Variants in MEX3A observed in about 807,000 individuals in gnomAD.
The protein encoded by MEX3A is mex-3 RNA binding family member A, also known as RNA-binding protein MEX3A.
In MEX3A, 4 loss-of-function variants were observed where a neutral mutation model predicts 30.0. The ratio of observed to expected loss-of-function variants is 0.13; its 90% CI spans 0.07 to 0.30. MEX3A has a LOEUF of 0.30. MEX3A is among the 10% of genes least tolerant of loss of function. The pLI is 1.00. For missense variants in MEX3A, 555 were observed against 736.7 expected, an observed-to-expected ratio of 0.75 and a Z score of 2.86; for synonymous variants, 335 against 327.6, an observed-to-expected ratio of 1.02 and a Z score of -0.24.
chr1:156,081,643 T>A lies in MEX3A; in HGVS notation c.356A>T (p.Tyr119Phe). The A allele has an allele frequency of 5.8e-6, 9 of 1,549,370 alleles. No individual in the cohort carries two copies. The highest frequency in any genetic ancestry group is 7.8e-6 in the Non-Finnish European group (9 of 1,149,558). ...GASDAKLCAL[Y>F]KEAELRLKGS... is the part of the protein sequence containing the mutation. ...CTTCAGGCGCAGCTCGGCCTCTTTG[T>A]AGAGAGCGCAGAGCTTGGCGTCGCT... Residue 119 changes from tyrosine (Y) to phenylalanine (F), a missense_variant, in exon 1 of 2, where the codon TAC (tyrosine) becomes TTC (phenylalanine). Transcript: ENST00000532414.
Position 156,082,035 on chromosome 1 carries a change from A to G in MEX3A, c.-37T>C. On this transcript the variant is annotated 5_prime_UTR_variant, in exon 1 of 2. Coordinates refer to ENST00000532414, the MANE Select transcript of MEX3A (RefSeq NM_001093725.2). Reference sequence around the variant, plus strand: ...AGCTGGGGGAGAGAGAGAGGGAGAGAGAGAGAGAGAGGTGGTGGAAGGGAA... The same window carrying G: ...AGCTGGGGGAGAGAGAGAGGGAGAGGGAGAGAGAGAGGTGGTGGAAGGGAA... The G allele has an allele frequency of 8.9e-7, 1 of 1,129,546 alleles. No individual in the cohort carries two copies. Among genetic ancestry groups the G allele is most frequent in the Admixed American group, 3.0e-5 (1 of 33,322 alleles). The allele number at this position is 1,129,546 out of a possible 1,614,324, so 70.0% of individuals were successfully genotyped here.
At chr1:156,081,470 G>A in intron 1 of MEX3A, 75 bp downstream of exon 1, 1 of 1,316,024 alleles carries the variant, frequency 7.6e-7, no homozygotes, top group South Asian at 1.2e-5. Context: ...AAGAAGGGAA[G>A]AAATGAACTT....
At position 156,074,988 on chromosome 1, in the gene MEX3A, TG is replaced by T. The variant is rs1205276395; in HGVS notation, c.*1585del. 2 of 152,660 alleles carry T rather than the reference TG, an allele frequency of 1.3e-5. No homozygotes were observed. Among genetic ancestry groups the T allele is most frequent in the Non-Finnish European group, 2.9e-5 (2 of 68,052 alleles). 9.5% of individuals were successfully genotyped at this position (152,660 alleles called of 1,614,324 possible). ...CACCCCACTATTTACAAGGATCTCC[TG>T]GGACTCCCATCCCTCCATCCTCTCT... is the stretch of plus-strand genomic sequence containing the variant. On this transcript the variant is annotated 3_prime_UTR_variant, in exon 2 of 2. Transcript: ENST00000532414.
At position 156,081,530 on chromosome 1, in the gene MEX3A, C is replaced by G; in HGVS notation, c.454+15G>C. Reference sequence around the variant, plus strand: ...CCACTACAGTCCCTCTCAGTGGTCCCGGCGCCCCGCTTACCTTGCCTGCCC... The same window carrying G: ...CCACTACAGTCCCTCTCAGTGGTCCGGGCGCCCCGCTTACCTTGCCTGCCC... On this transcript the variant is annotated intron_variant, in intron 1 of 1. Transcript: ENST00000532414. 6.2e-7 allele frequency: 1 copy of G among 1,601,668 alleles called. No individual in the cohort carries two copies.
rs1648083536 is a variant in MEX3A at position 156,076,860 on chromosome 1, T to C, written c.1277A>G (p.His426Arg). The C allele has an allele frequency of 3.9e-6, 6 of 1,535,114 alleles. No individual in the cohort carries two copies. The highest frequency in any genetic ancestry group is 5.3e-6 in the Non-Finnish European group (6 of 1,140,492). ...AKARAGPPGA[H>R]RSPATSAGPE... Reference sequence around the variant, plus strand: ...TCCCGCGGAAGTGGCAGGGGAGCGGTGTGCGCCCGGGGGCCCAGCGCGGGC... The same window carrying C: ...TCCCGCGGAAGTGGCAGGGGAGCGGCGTGCGCCCGGGGGCCCAGCGCGGGC... Residue 426 changes from histidine to arginine, a missense_variant, in exon 2 of 2, where the codon CAC becomes CGC. Physicochemically the swap from His to Arg is conservative, Grantham distance 29. Around this residue, in one of 6 missense-constraint regions of MEX3A, gnomAD observed 281 missense variants for 265.1 expected, o/e 1.06. Coordinates refer to ENST00000532414, the MANE Select transcript of MEX3A (RefSeq NM_001093725.2). This position sits in a 1 kb window ranked among gnomAD's most constrained non-coding sequence, Gnocchi z 6.0.
chr1:156,081,422 TC>T, intron 1 of MEX3A, 122 bp downstream of exon 1: 2 of 800,232 alleles, frequency 2.5e-6, no homozygotes, highest in Non-Finnish European at 4.0e-6. Context: ...AGGGGGCGGG[TC>T]CCCCTTTGTG....
rs1647944934 is a variant in MEX3A at position 156,072,587 on chromosome 1, G to A, written c.*3987C>T. ...GAAGGCCCAGTGATTGCAAGCTGGG[G>A]TTGGTAGAAGGCAAGTGCTTTAAAA... On this transcript the variant is annotated 3_prime_UTR_variant, in exon 2 of 2. Transcript: ENST00000532414. The A allele has an allele frequency of 6.5e-6, 1 of 152,758 alleles. No homozygotes were observed. Among genetic ancestry groups the A allele is most frequent in the African/African-American group, 2.4e-5 (1 of 41,444 alleles). The allele number at this position is 152,758 out of a possible 1,614,324, so 9.5% of individuals were successfully genotyped here.
rs200968425 is a variant in MEX3A, at chr1:156,076,682, T to A, written c.1455A>T (p.Gly485=). 6.2e-7 allele frequency: 1 copy of A among 1,613,942 alleles called. No individual in the cohort carries two copies. The change falls in exon 2 of 2, where the codon GGA becomes GGT. Residue 485 remains glycine (G), a synonymous_variant. Transcript: ENST00000532414. The surrounding 1 kb of genome is among the most constrained non-coding windows in gnomAD (Gnocchi z 6.0). The part of the protein sequence containing the change: ...SEVTAALVPC[G]HNLFCMECAV... The stretch of plus-strand genomic sequence containing the variant: ...CACACTCCATGCAGAACAGGTTGTG[T>A]CCGCAGGGCACAAGGGCGGCAGTCA...
Position 156,077,722 on chromosome 1 carries a change from C to T in MEX3A, c.455-40G>A. On this transcript the variant is annotated intron_variant, in intron 1 of 1. Coordinates refer to ENST00000532414, the MANE Select transcript of MEX3A (RefSeq NM_001093725.2). This position sits in a 1 kb window ranked among gnomAD's most constrained non-coding sequence, Gnocchi z 8.3. ...GGAAGGAGAGAGACAAAGAAACGCA[C>T]ACAGCAAGGTTTGTGCTGGGACCAA... The T allele has an allele frequency of 2.0e-6, 3 of 1,534,634 alleles. No homozygotes were observed. The highest frequency in any genetic ancestry group is 2.6e-6 in the Non-Finnish European group (3 of 1,146,012).
chr1:156,078,488 G>A (rs1648132920), intron 1 of MEX3A, among the ~76,000 whole-genome samples: 1 of 152,160 alleles, frequency 6.6e-6, no homozygotes, highest in African/African-American at 2.4e-5. Context: ...GCTGAGTACG[G>A]TGAGGGAGAG....
rs1648065648 is a variant in MEX3A at position 156,076,447 on chromosome 1, C to A, written c.*127G>T. 9.9e-7 allele frequency: 1 copy of A among 1,007,998 alleles called. No individual in the cohort carries two copies. Among genetic ancestry groups the A allele is most frequent in the South Asian group, 1.8e-5 (1 of 57,004 alleles). 62.4% of individuals were successfully genotyped at this position (1,007,998 alleles called of 1,614,324 possible). ...CCAGCCACCACTGCCTCCCTCCCCC[C>A]TTCCCCAGCGAGCGAGTATCTCTAA... On this transcript the variant is annotated 3_prime_UTR_variant, in exon 2 of 2. Coordinates refer to ENST00000532414, the MANE Select transcript of MEX3A (RefSeq NM_001093725.2). This position sits in a 1 kb window ranked among gnomAD's most constrained non-coding sequence, Gnocchi z 6.0.
At chr1:156,079,594 G>T (rs942303519) in intron 1 of MEX3A, among the ~76,000 whole-genome samples, 1 of 152,174 alleles carries the variant, frequency 6.6e-6, no homozygotes, top group Non-Finnish European at 1.5e-5. Context: ...TAGCAGTTAT[G>T]AAGTCCTACC....
At position 156,074,179 on chromosome 1, in the gene MEX3A, A is replaced by T. The variant is rs1647994855; in HGVS notation, c.*2395T>A. ...TTTTTTTTTTTAAGATTTAACTCTG[A>T]ATACAAATGTATTTTTTTCTTCTTC... On this transcript the variant is annotated 3_prime_UTR_variant, in exon 2 of 2. Coordinates refer to ENST00000532414, the MANE Select transcript of MEX3A (RefSeq NM_001093725.2). The T allele has an allele frequency of 6.6e-6, 1 of 152,274 alleles. No individual in the cohort carries two copies. Among genetic ancestry groups the T allele is most frequent in the African/African-American group, 2.4e-5 (1 of 41,448 alleles). 9.4% of individuals were successfully genotyped at this position (152,274 alleles called of 1,614,324 possible).
In MEX3A at chr1:156,082,065, GGAGA is replaced by G. The variant is rs935826363; in HGVS notation, c.-71_-68del. The stretch of plus-strand genomic sequence containing the variant: ...GAGAGAGGTGGTGGAAGGGAAAAGA[GGAGA>G]GAGGAGGGGAGGGGAGAGGAGAGGA... On this transcript the variant is annotated 5_prime_UTR_variant, in exon 1 of 2. Coordinates refer to ENST00000532414, the MANE Select transcript of MEX3A (RefSeq NM_001093725.2). 5.7e-5 allele frequency: 42 copies of G among 734,206 alleles called. No homozygotes were observed. The highest frequency in any genetic ancestry group is 8.1e-5 in the Non-Finnish European group (41 of 504,894). The allele number at this position is 734,206 out of a possible 1,614,324, so 45.5% of individuals were successfully genotyped here.
intron 1 of MEX3A, 91 bp downstream of exon 1, chr1:156,081,454 G>A (rs1044245665): frequency 7.1e-6 from 8 of 1,131,460 alleles, no homozygotes; most frequent in Non-Finnish European, 1.0e-5. Context: ...AGAGCCGGAG[G>A]CGGGCAAGAA....
At position 156,081,772 on chromosome 1, in the gene MEX3A, G is replaced by T; in HGVS notation, c.227C>A (p.Pro76His). The T allele has an allele frequency of 4.9e-6, 4 of 812,422 alleles. No homozygotes were observed. Among genetic ancestry groups the T allele is most frequent in the Non-Finnish European group, 6.0e-6 (4 of 668,444 alleles). The allele number at this position is 812,422 out of a possible 1,614,324, so 50.3% of individuals were successfully genotyped here. A position where few individuals can be genotyped will look rare whatever the true frequency, so the allele number is the denominator to read the frequency against. ...CGGCGGCGGCGGGGCCGGCTGCGGG[G>T]GGGCGGCCGGCTGCGCGGGGGCGCC... ...GGGAPAQPAA[P>H]PQPAPPPPPA... is the part of the protein sequence containing the mutation. The change falls in exon 1 of 2, where the codon CCC becomes CAC. Residue 76 changes from proline to histidine, a missense_variant. Coordinates refer to ENST00000532414, the MANE Select transcript of MEX3A (RefSeq NM_001093725.2).
At chr1:156,080,650 G>A (rs1325804128) in intron 1 of MEX3A, among the ~76,000 whole-genome samples, 2 of 151,958 alleles carry the variant, frequency 1.3e-5, no homozygotes, top group Non-Finnish European at 2.9e-5. Context: ...ACCCACCCAG[G>A]GATGCTGGAG....
chr1:156,072,860 T>C lies in MEX3A; in HGVS notation c.*3714A>G, dbSNP rs1647953621. The C allele has an allele frequency of 6.6e-6, 1 of 152,382 alleles. No individual in the cohort carries two copies. The highest frequency in any genetic ancestry group is 1.9e-4 in the East Asian group (1 of 5,330). 9.4% of individuals were successfully genotyped at this position (152,382 alleles called of 1,614,324 possible). A position where few individuals can be genotyped will look rare whatever the true frequency, so the allele number is the denominator to read the frequency against. ...TCCACTCCACTCCGTGGGAAGTCCT[T>C]CTTGGAATCTAACTTTTATGAGACA... On this transcript the variant is annotated 3_prime_UTR_variant, in exon 2 of 2. Transcript: ENST00000532414.
chr1:156,076,936 T>G lies in MEX3A; in HGVS notation c.1201A>C (p.Thr401Pro), dbSNP rs1196426925. 1 of 1,601,540 alleles carries G rather than the reference T, an allele frequency of 6.2e-7. No individual in the cohort carries two copies. Among genetic ancestry groups the G allele is most frequent in the Middle Eastern group, 1.7e-4 (1 of 6,018 alleles). The change falls in exon 2 of 2, where the codon ACC (threonine) becomes CCC (proline). Residue 401 changes from threonine to proline, a missense_variant. Physicochemically the swap from Thr to Pro is conservative, Grantham distance 38 (BLOSUM62 -1). Transcript: ENST00000532414. This position sits in a 1 kb window ranked among gnomAD's most constrained non-coding sequence, Gnocchi z 6.0. ...LWAGQENATP[T>P]SVLFSSASSS... ...GAGGCAGAGGAGAAGAGCACGGAGG[T>G]GGGCGTGGCGTTCTCCTGGCCCGCC...
Sources: gnomAD v4.1 joint callset for allele counts (sites outside exome capture counted in the v4.1 genomes callset) on GRCh38, gnomAD v4.1.1 for gene constraint, gnomAD v4.1.1 regional missense constraint, Gnocchi (gnomAD v3.1) non-coding constraint, MANE v1.5 for transcripts, NCBI Gene and HGNC (gene_info 2026-07-23, HGNC 2026-07-21) for gene names.